CSMD1: variants seen among roughly 807,000 people sequenced by gnomAD.
CSMD1 encodes CUB and Sushi multiple domains 1.
In CSMD1, 213 loss-of-function variants were observed where a neutral mutation model predicts 417.5. The ratio of observed to expected loss-of-function variants is 0.51; its 90% confidence interval spans 0.46 to 0.57. The LOEUF (loss-of-function observed/expected upper bound fraction) is 0.57, where lower values mean the gene tolerates loss of function less well. Among genes scored for constraint, CSMD1 ranks in the 20% least tolerant of loss-of-function variants. CSMD1 has a pLI of 0.00. For missense variants in CSMD1, 6,923 were observed against 4,529.7 expected, an observed-to-expected ratio of 1.53 and a Z score of -15.17; for synonymous variants, 2,862 against 1,736.8, an observed-to-expected ratio of 1.65 and a Z score of -16.11.
chr8:4,792,121 G>C (rs962484805), intron 1 of CSMD1, among the ~76,000 whole-genome samples: 2 of 152,038 alleles, frequency 1.3e-5, no homozygotes, highest in African/African-American at 2.4e-5. Context: ...TTTTCTAACA[G>C]AATCTCTCTC....
At chr8:3,349,555 G>T (rs114209950) in intron 21 of CSMD1, among the ~76,000 whole-genome samples, 3,534 of 151,850 alleles carry the variant, frequency 0.023, 132 homozygotes, top group African/African-American at 0.081. Context: ...AAGTGTTGAG[G>T]CGGAAGTGCA....
chr8:4,721,878 G>A (rs1020522232), intron 1 of CSMD1, among the ~76,000 whole-genome samples: 1 of 152,098 alleles, frequency 6.6e-6, no homozygotes, highest in Non-Finnish European at 1.5e-5. Flanking sequence ...GTGAAAACAT[G>A]GATGAAACTG....
chr8:4,080,232 C>T (rs539202686), intron 3 of CSMD1, among the ~76,000 whole-genome samples: 1 of 152,116 alleles, frequency 6.6e-6, no homozygotes, highest in Non-Finnish European at 1.5e-5. Context: ...CTCCTTAAAA[C>T]CCATCATCAC....
intron 26 of CSMD1, among the ~76,000 whole-genome samples, chr8:3,282,585 T>G (rs2194355): frequency 6.6e-6 from 1 of 151,656 alleles, no homozygotes; most frequent in African/African-American, 2.4e-5. Flanking sequence ...AGTAAAGGAC[T>G]TTTTTTCCCC....
At chr8:4,030,659 G>A (rs193249452) in intron 4 of CSMD1, among the ~76,000 whole-genome samples, 1 of 152,150 alleles carries the variant, frequency 6.6e-6, no homozygotes, top group African/African-American at 2.4e-5. Context: ...CATGGTCTTG[G>A]GGATTAACTT....
intron 3 of CSMD1, among the ~76,000 whole-genome samples, chr8:4,111,768 G>T (rs925309270): frequency 1.3e-5 from 2 of 152,102 alleles, no homozygotes; most frequent in Non-Finnish European, 2.9e-5. Flanking sequence ...GGGAACTGTT[G>T]TGGGGCATAG....
intron 1 of CSMD1, among the ~76,000 whole-genome samples, chr8:4,657,335 CTG>C (rs1187913371): frequency 6.6e-6 from 1 of 152,140 alleles, no homozygotes; most frequent in Non-Finnish European, 1.5e-5. Flanking sequence ...AACTGGCAGA[CTG>C]AGAGAGGATT....
rs531634384 is a variant in CSMD1 at position 3,122,771 on chromosome 8, C to G, written c.6242-4184G>C. On this transcript the variant is annotated intron_variant, in intron 41 of 69. Transcript: ENST00000635120. ...CTCCCCCGACCCCAGCCATGTGGAACTGTAAGTCCATTTCAACCTCTTTTT... is the reference window on the plus strand; with the variant it reads ...CTCCCCCGACCCCAGCCATGTGGAAGTGTAAGTCCATTTCAACCTCTTTTT... Among the ~76,000 whole-genome samples the G allele has an allele frequency of 5.3e-5, 8 of 152,330 alleles. No individual in the cohort carries two copies. The South Asian group carries it at 1.7e-3, about 32-fold the overall frequency.
chr8:3,386,717 A>G lies in CSMD1; in HGVS notation c.2782+777T>C, dbSNP rs570895741. The stretch of plus-strand genomic sequence containing the variant: ...AATGTGTTTTGGAACACTGTTTTCC[A>G]TAGAAACAATGTTTCCTGGAACGTT... On this transcript the variant is annotated intron_variant, in intron 18 of 69. Transcript: ENST00000635120. 3.3e-5 allele frequency among the ~76,000 whole-genome samples: 5 copies of G among 152,320 alleles called. No individual in the cohort carries two copies. In the East Asian group the frequency reaches 9.7e-4, roughly 29 times the overall value.
chr8:3,367,694 GA>G (rs1205999839), intron 19 of CSMD1, among the ~76,000 whole-genome samples: 1 of 152,164 alleles, frequency 6.6e-6, no homozygotes, highest in Non-Finnish European at 1.5e-5. Context: ...GTACAGATAT[GA>G]TGTAAATATG....
intron 6 of CSMD1, among the ~76,000 whole-genome samples, chr8:3,752,944 T>C (rs1409171274): frequency 6.6e-6 from 1 of 152,170 alleles, no homozygotes; most frequent in African/African-American, 2.4e-5. Context: ...GACCAGTTTG[T>C]TGAAAAATTA....
In CSMD1 at chr8:4,884,669, C is replaced by A. The variant is rs185431540; in HGVS notation, c.85+109663G>T. On this transcript the variant is annotated intron_variant, in intron 1 of 69. Coordinates refer to ENST00000635120, the MANE Select transcript of CSMD1 (RefSeq NM_033225.6). ...TTGTCTTGGCAGTCATATCAAATAA[C>A]AATTGCCCAGAAAAATAAGGGTTTA... Among the ~76,000 whole-genome samples the A allele has an allele frequency of 2.0e-3, 308 of 152,132 alleles. 1 individual carries two copies. Among genetic ancestry groups the A allele is most frequent in the African/African-American group, 7.3e-3 (303 of 41,480 alleles).
At chr8:3,453,628 G>C (rs927235375) in intron 12 of CSMD1, among the ~76,000 whole-genome samples, 5 of 152,202 alleles carry the variant, frequency 3.3e-5, no homozygotes, top group Admixed American at 6.5e-5. Context: ...AGTTTTGAGA[G>C]ACTTTCTTAA....
chr8:3,009,634 T>C (rs74829943), intron 52 of CSMD1, among the ~76,000 whole-genome samples: 3,136 of 152,320 alleles, frequency 0.021, 93 homozygotes, highest in African/African-American at 0.07. Context: ...ATTTGAATAT[T>C]GATAACTGAG....
intron 9 of CSMD1, among the ~76,000 whole-genome samples, chr8:3,583,807 G>C (rs538517022): frequency 2.0e-5 from 3 of 151,960 alleles, no homozygotes; most frequent in Non-Finnish European, 4.4e-5. Flanking sequence ...TGACTGTAAG[G>C]TCAGAACACA....
intron 1 of CSMD1, among the ~76,000 whole-genome samples, chr8:4,777,476 T>A (rs1796925001): frequency 1.3e-5 from 2 of 152,150 alleles, no homozygotes; most frequent in African/African-American, 4.8e-5. Flanking sequence ...ACTCCTATAA[T>A]AAGATCAGAT....
intron 12 of CSMD1, among the ~76,000 whole-genome samples, chr8:3,414,766 G>A (rs1043329790): frequency 6.6e-6 from 1 of 152,146 alleles, no homozygotes; most frequent in East Asian, 1.9e-4. Context: ...TTTAGTGCCT[G>A]AGGGTGTCTC....
intron 3 of CSMD1, among the ~76,000 whole-genome samples, chr8:4,089,741 A>G (rs1800616821): frequency 6.6e-6 from 1 of 152,186 alleles, no homozygotes; most frequent in Admixed American, 6.5e-5. Context: ...TATTGACACA[A>G]CATCATTCAT....
chr8:4,499,783 G>C (rs1328836959), intron 2 of CSMD1, among the ~76,000 whole-genome samples: 1 of 152,180 alleles, frequency 6.6e-6, no homozygotes. Context: ...GAGAGGGAAG[G>C]AAGGGAAGTA....
Sources: gnomAD v4.1 joint callset for allele counts (sites outside exome capture counted in the v4.1 genomes callset) on GRCh38, gnomAD v4.1.1 for gene constraint, MANE v1.5 for transcripts, NCBI Gene and HGNC (gene_info 2026-07-23, HGNC 2026-07-21) for gene names.